KIFC3: variants seen among roughly 807,000 people sequenced by gnomAD.
KIFC3 encodes kinesin-like protein KIFC3.
Under a neutral mutation model 101.8 loss-of-function variants are expected in KIFC3, and 60 were observed. That is an observed-to-expected ratio of 0.59 (90% CI 0.48 to 0.73). The LOEUF (loss-of-function observed/expected upper bound fraction) is 0.73, where lower values mean the gene tolerates loss of function less well. Among genes scored for constraint, KIFC3 ranks in the 30% least tolerant of loss-of-function variants. The pLI is 0.00. For synonymous variants in KIFC3, 476 were observed against 482.7 expected (o/e 0.99, Z 0.18); for missense variants, 966 against 1,137.1 (o/e 0.85, Z 2.16).
rs78064555 is a variant in KIFC3, at chr16:57,789,020, G to C, written c.315+5979C>G. On this transcript the variant is annotated intron_variant, in intron 3 of 19. Transcript: ENST00000445690. ...AGCTCATGCCATCCCTGCAGGGTCT[G>C]AGAGTCACCAGCACAGAGGCTGGCT... Among the ~76,000 whole-genome samples, 1,009 of 152,350 alleles carry C rather than the reference G, an allele frequency of 6.6e-3. 5 individuals carry two copies. The highest frequency in any genetic ancestry group is 0.015 in the South Asian group (72 of 4,830).
At position 57,774,961 on chromosome 16, in the gene KIFC3, T is replaced by C. The variant is rs1284697020; in HGVS notation, c.316-2673A>G. The stretch of plus-strand genomic sequence containing the variant: ...CCCCAGAAAGGCTGCTGCCTCAGCA[T>C]GGGGCTGGGCGCACTAACCTTGATC... On this transcript the variant is annotated intron_variant, in intron 3 of 19. Transcript: ENST00000445690. The C allele has an allele frequency of 3.3e-6, 5 of 1,520,188 alleles. No individual in the cohort carries two copies. The South Asian group carries it at 4.9e-5, about 15-fold the overall frequency. 94.2% of individuals were successfully genotyped at this position (1,520,188 alleles called of 1,614,324 possible).
At chr16:57,820,996 G>A (rs2055338884) in intron 1 of KIFC3, among the ~76,000 whole-genome samples, 1 of 152,054 alleles carries the variant, frequency 6.6e-6, no homozygotes, top group Non-Finnish European at 1.5e-5. Context: ...GCCAGGTGAG[G>A]TAGCACACAC....
chr16:57,762,289 G>GC lies in KIFC3; in HGVS notation c.1618-20dup. 6.6e-7 allele frequency: 1 copy of GC among 1,521,894 alleles called. No homozygotes were observed. The highest frequency in any genetic ancestry group is 2.5e-5 in the East Asian group (1 of 40,360). 94.3% of individuals were successfully genotyped at this position (1,521,894 alleles called of 1,614,324 possible). A position where few individuals can be genotyped will look rare whatever the true frequency, so the allele number is the denominator to read the frequency against. ...CGGTCCCCTGGGGACAGAAGGAAAG[G>GC]CCCCAGTAAGCCAGGCCTGTCCCCA... On this transcript the variant is annotated intron_variant, in intron 12 of 19. Transcript: ENST00000445690.
chr16:57,800,816 G>A (rs2054674957), intron 1 of KIFC3, among the ~76,000 whole-genome samples: 1 of 152,158 alleles, frequency 6.6e-6, no homozygotes, highest in Admixed American at 6.5e-5. Context: ...GGCCAAGAAA[G>A]CAGGACTCTC....
At chr16:57,808,392 G>A (rs1208252643) in intron 1 of KIFC3, among the ~76,000 whole-genome samples, 1 of 151,882 alleles carries the variant, frequency 6.6e-6, no homozygotes, top group African/African-American at 2.4e-5. Context: ...TCCTTGCTAA[G>A]TGTTCTGCCG....
At chr16:57,854,890 G>A (rs1301126440) in intron 1 of KIFC3, among the ~76,000 whole-genome samples, 4 of 152,112 alleles carry the variant, frequency 2.6e-5, no homozygotes, top group African/African-American at 9.7e-5. Context: ...GTGCTTGAAA[G>A]TTACACAACA....
intron 1 of KIFC3, among the ~76,000 whole-genome samples, chr16:57,813,432 C>G (rs1343557776): frequency 6.6e-6 from 1 of 152,106 alleles, no homozygotes; most frequent in Non-Finnish European, 1.5e-5. Context: ...GTCTAAATCT[C>G]CAGATAACCC....
At chr16:57,794,890 G>T in intron 3 of KIFC3, 109 bp downstream of exon 3, 2 of 1,042,726 alleles carry the variant, frequency 1.9e-6, no homozygotes, top group Non-Finnish European at 2.6e-6. Context: ...TGCGAGGTGG[G>T]TCCCCGGCTC....
chr16:57,841,392 G>T (rs182377376), intron 1 of KIFC3, among the ~76,000 whole-genome samples: 1 of 152,142 alleles, frequency 6.6e-6, no homozygotes, highest in Non-Finnish European at 1.5e-5. Flanking sequence ...CAGGCCAGGC[G>T]CAGTGGCTCA....
At chr16:57,815,593 G>GT (rs2055201433) in intron 1 of KIFC3, 1 of 1,289,798 alleles carries the variant, frequency 7.8e-7, no homozygotes, top group Non-Finnish European at 1.0e-6. Context: ...GGAGGCTGGG[G>GT]GTGCCCCCAC....
chr16:57,810,667 TTAATC>T, intron 1 of KIFC3: 1 of 985,512 alleles, frequency 1.0e-6, no homozygotes, highest in Non-Finnish European at 1.2e-6. Context: ...GGACGGGAAT[TTAATC>T]TAATTCAACT....
intron 1 of KIFC3, among the ~76,000 whole-genome samples, chr16:57,843,023 C>T (rs762901919): frequency 7.2e-5 from 11 of 152,172 alleles, no homozygotes; most frequent in Non-Finnish European, 1.6e-4. Context: ...ATCCCAGCTA[C>T]TCGGGAGGCT....
intron 3 of KIFC3, chr16:57,775,769 G>T (rs1480336894): frequency 1.0e-6 from 1 of 985,582 alleles, no homozygotes; most frequent in African/African-American, 1.7e-5. Context: ...ACAGGACGGA[G>T]GAGAAAGCAG....
At position 57,769,512 on chromosome 16, in the gene KIFC3, TG is replaced by T; in HGVS notation, c.1218+82del. On this transcript the variant is annotated intron_variant, in intron 9 of 19. Transcript: ENST00000445690. The surrounding 1 kb of genome is among the most constrained non-coding windows in gnomAD (Gnocchi z 4.3). ...TGTCTGAGCGGCTTTGTCTGAGCTT[TG>T]GAGGGACGCCCTGAGTGGATGTCGT... is the stretch of plus-strand genomic sequence containing the variant. The T allele has an allele frequency of 6.6e-7, 1 of 1,520,944 alleles. No individual in the cohort carries two copies. The allele number at this position is 1,520,944 out of a possible 1,614,324, so 94.2% of individuals were successfully genotyped here.
At chr16:57,795,292 A>G (rs782763318) in intron 2 of KIFC3, 151 bp from the exon 3 acceptor site, 10 of 872,308 alleles carry the variant, frequency 1.1e-5, no homozygotes, top group Non-Finnish European at 1.7e-5. Context: ...ACACCCAAAA[A>G]ACGCCTGCCC....
intron 9 of KIFC3, among the ~76,000 whole-genome samples, chr16:57,768,698 A>T (rs1444406589): frequency 6.6e-6 from 1 of 152,182 alleles, no homozygotes; most frequent in African/African-American, 2.4e-5. Flanking sequence ...TAGTCTTTTA[A>T]AGGAGAAGAA....
chr16:57,802,585 C>G, upstream of KIFC3: 1 of 1,000,304 alleles, frequency 1.0e-6, no homozygotes, highest in Non-Finnish European at 1.2e-6. The surrounding 1 kb of genome is among the most constrained non-coding windows in gnomAD (Gnocchi z 5.0). Flanking sequence ...CGGCGCGCGC[C>G]CGCACTCACG....
chr16:57,776,438 G>A (rs35404620), intron 3 of KIFC3: 49,564 of 984,850 alleles, frequency 0.05, 1,351 homozygotes, highest in Non-Finnish European at 0.055. Flanking sequence ...CTGACAATTC[G>A]AATTCTAAAG....
At chr16:57,823,804 T>TGTGTGTGTGTGTGTGTG (rs1568088575) in intron 1 of KIFC3, among the ~76,000 whole-genome samples, 9 of 149,390 alleles carry the variant, frequency 6.0e-5, no homozygotes, top group African/African-American at 7.4e-5. Context: ...TGTGTGTGTG[T>TGTGTGTGTGTGTGTGTG]TTTTAGTAGA....
Sources: gnomAD v4.1 joint callset for allele counts (sites outside exome capture counted in the v4.1 genomes callset) on GRCh38, gnomAD v4.1.1 for gene constraint, Gnocchi (gnomAD v3.1) non-coding constraint, MANE v1.5 for transcripts, NCBI Gene and HGNC (gene_info 2026-07-23, HGNC 2026-07-21) for gene names.